The following WRAP53 variants were observed in gnomAD, a reference collection of about 807,000 sequenced individuals.
WRAP53 encodes WD repeat containing antisense to TP53, also known as telomerase Cajal body protein 1.
A neutral mutation model predicts 56.6 loss-of-function variants in WRAP53; 28 were observed. The observed-to-expected ratio is 0.50, with a 90% CI of 0.37 to 0.68. The LOEUF is 0.68. Among genes scored for constraint, WRAP53 ranks in the 30% least tolerant of loss-of-function variants. The pLI is 0.00. For synonymous variants in WRAP53, 283 were observed against 283.4 expected (o/e 1.00, Z 0.01); for missense variants, 671 against 715.5 (o/e 0.94, Z 0.71).
At chr17:7,697,768 G>A (rs907760964) in intron 4 of WRAP53, among the ~76,000 whole-genome samples, 1 of 152,052 alleles carries the variant, frequency 6.6e-6, no homozygotes, top group African/African-American at 2.4e-5. Flanking sequence ...TAGTAATGAT[G>A]GAAATACAAA....
chr17:7,687,539 C>T (rs2074029868), upstream of WRAP53: 2 of 398,526 alleles, frequency 5.0e-6, no homozygotes, highest in Non-Finnish European at 8.8e-6. Context: ...AGGGGAAAAC[C>T]CCAATCCCAT....
At position 7,702,748 on chromosome 17, in the gene WRAP53, T is replaced by G. The variant is rs1473973718; in HGVS notation, c.1170T>G (p.Ala390=). ...NRFFSGARKD[A]ELLCWDLRQS... is the part of the protein sequence containing the mutation. ...GTCCTGTTCCTTGTCTCCAGGATGC[T>G]GAGCTCCTGTGCTGGGATCTCCGGC... The change falls in exon 9 of 11, where the codon GCT becomes GCG. Residue 390 remains alanine (A), a synonymous_variant. Coordinates refer to ENST00000396463, the MANE Select transcript of WRAP53 (RefSeq NM_001143992.2). The surrounding 1 kb of genome is among the most constrained non-coding windows in gnomAD (Gnocchi z 5.0). 4.3e-6 allele frequency: 7 copies of G among 1,613,490 alleles called. No homozygotes were observed. In the Admixed American group the frequency reaches 1.0e-4, roughly 23 times the overall value.
chr17:7,703,111 T>C lies in WRAP53; in HGVS notation c.1387T>C (p.Cys463Arg). The change falls in exon 10 of 11, where the codon TGC (cysteine) becomes CGC (arginine). Residue 463 changes from cysteine to arginine, a missense_variant. By Grantham distance (180) the Cys-to-Arg change is radical. Around this residue, in one of 3 missense-constraint regions of WRAP53, gnomAD observed 158 missense variants for 215.7 expected, o/e 0.73. Coordinates refer to ENST00000396463, the MANE Select transcript of WRAP53 (RefSeq NM_001143992.2). ...PVLSFLPQKD[C>R]TNGVSLHPSL... ...GTTGAGTTTTCTGCCCCAGAAGGAC[T>C]GCACCAATGGCGTGAGGTCCTCAGT... 6.2e-7 allele frequency: 1 copy of C among 1,614,134 alleles called. No individual in the cohort carries two copies. Among genetic ancestry groups the C allele is most frequent in the Non-Finnish European group, 8.5e-7 (1 of 1,180,016 alleles).
intron 4 of WRAP53, among the ~76,000 whole-genome samples, chr17:7,696,063 G>C (rs1035378931): frequency 1.3e-5 from 2 of 152,110 alleles, no homozygotes; most frequent in African/African-American, 4.8e-5. Flanking sequence ...TAGGAAAGAG[G>C]AACAGGGGCG....
upstream of WRAP53, chr17:7,687,264 G>T (rs943690783): frequency 2.5e-5 from 10 of 397,816 alleles, no homozygotes; most frequent in Non-Finnish European, 4.0e-5. Flanking sequence ...CCCCAAACTC[G>T]CTAAGTCCCC....
Position 7,689,042 on chromosome 17 carries a change from A to C in WRAP53, c.394A>C (p.Thr132Pro). The C allele has an allele frequency of 6.2e-7, 1 of 1,614,108 alleles. No homozygotes were observed. Among genetic ancestry groups the C allele is most frequent in the Non-Finnish European group, 8.5e-7 (1 of 1,180,022 alleles). ...GGGGTCTGGAAAAGCCATGGAAGAT[A>C]CCTCTGGGGAACCCGCTGCAGAGGA... is the stretch of plus-strand genomic sequence containing the variant. ...ELGSGKAMED[T>P]SGEPAAEDEG... is the part of the protein sequence containing the mutation. The change falls in exon 2 of 11, where the codon ACC becomes CCC. Residue 132 changes from threonine (T) to proline (P), a missense_variant. By Grantham distance (38) the Thr-to-Pro change is conservative. This residue lies in a region of WRAP53 where 406 missense variants were observed against 418.5 expected (regional missense o/e 0.97). Coordinates refer to ENST00000396463, the MANE Select transcript of WRAP53 (RefSeq NM_001143992.2).
intron 4 of WRAP53, among the ~76,000 whole-genome samples, chr17:7,692,746 CTTTTTT>C (rs1177019881): frequency 2.7e-4 from 26 of 98,054 alleles, no homozygotes; most frequent in Admixed American, 1.6e-3. Context: ...GGTCATTCTC[CTTTTTT>C]TTTTTTTTTT....
At chr17:7,693,548 G>A (rs1032537145) in intron 4 of WRAP53, among the ~76,000 whole-genome samples, 72 of 152,016 alleles carry the variant, frequency 4.7e-4, no homozygotes, top group African/African-American at 1.7e-3. Flanking sequence ...GTGAAACCCT[G>A]TCTTTACTAA....
chr17:7,698,548 A>G (rs370370731), intron 4 of WRAP53, among the ~76,000 whole-genome samples: 2 of 152,012 alleles, frequency 1.3e-5, no homozygotes, highest in South Asian at 2.1e-4. Context: ...CGTGAGCAAC[A>G]CAGACCCCTG....
At chr17:7,690,836 C>T (rs920440267) in intron 4 of WRAP53, among the ~76,000 whole-genome samples, 1 of 152,100 alleles carries the variant, frequency 6.6e-6, no homozygotes, top group Non-Finnish European at 1.5e-5. Flanking sequence ...CTCTTAAACT[C>T]AGGAGGTGGA....
At chr17:7,696,488 C>CG (rs1370194268) in intron 4 of WRAP53, among the ~76,000 whole-genome samples, 1 of 151,900 alleles carries the variant, frequency 6.6e-6, no homozygotes, top group South Asian at 2.1e-4. Flanking sequence ...TTAGTAGACA[C>CG]GGGGTTTCAC....
At chr17:7,686,631 T>A (rs2073985628), upstream of WRAP53, 1 of 152,186 alleles carries the variant, frequency 6.6e-6, no homozygotes, top group African/African-American at 2.4e-5. Context: ...ATCGGGTGAA[T>A]AGTGAGCTGC....
At chr17:7,693,895 G>C (rs1158730458) in intron 4 of WRAP53, among the ~76,000 whole-genome samples, 2 of 152,194 alleles carry the variant, frequency 1.3e-5, no homozygotes, top group East Asian at 3.8e-4. Flanking sequence ...GTCTTCAAGA[G>C]TGTGCATGCC....
rs2074072206 is a variant in WRAP53 at position 7,689,254 on chromosome 17, T to TG, written c.462_463insG (p.Arg155AlafsTer15). ...GGAACTACAGCTTCTCCCAGCTGCCTCGATTTCTCAGTGGTTCCTGGTCAG... is the reference window on the plus strand; with the variant it reads ...GGAACTACAGCTTCTCCCAGCTGCCTGCGATTTCTCAGTGGTTCCTGGTCAG... On this transcript the variant is annotated frameshift_variant, in exon 3 of 11. Coordinates refer to ENST00000396463, the MANE Select transcript of WRAP53 (RefSeq NM_001143992.2). LOFTEE classifies it high-confidence loss of function. The TG allele has an allele frequency of 6.2e-7, 1 of 1,613,888 alleles. No homozygotes were observed. Among genetic ancestry groups the TG allele is most frequent in the African/African-American group, 1.3e-5 (1 of 74,860 alleles).
intron 4 of WRAP53, among the ~76,000 whole-genome samples, chr17:7,699,677 T>TA (rs976051104): frequency 4.0e-5 from 6 of 149,814 alleles, no homozygotes; most frequent in African/African-American, 1.5e-4. Flanking sequence ...TTTAATAAGA[T>TA]ACTTTGTATG....
At chr17:7,691,099 C>T (rs1027872521) in intron 4 of WRAP53, among the ~76,000 whole-genome samples, 5 of 151,886 alleles carry the variant, frequency 3.3e-5, no homozygotes, top group African/African-American at 9.7e-5. Context: ...ATCCCAGCTA[C>T]TTGAGAGGCT....
chr17:7,699,522 T>TTTATATATATATATATATA (rs1429418083), intron 4 of WRAP53, among the ~76,000 whole-genome samples: 3 of 14,110 alleles, frequency 2.1e-4, no homozygotes, highest in Admixed American at 1.3e-3. Context: ...ATATATATAT[T>TTTATATATATATATATATA]TATATATATA....
At position 7,689,255 on chromosome 17, in the gene WRAP53, C is replaced by T. The variant is rs1213207387; in HGVS notation, c.463C>T (p.Arg155Ter). 2.5e-6 allele frequency: 4 copies of T among 1,614,044 alleles called. No individual in the cohort carries two copies. Among genetic ancestry groups the T allele is most frequent in the Non-Finnish European group, 3.4e-6 (4 of 1,180,030 alleles). ...AWNYSFSQLP[R>*]FLSGSWSEFS... ...GAACTACAGCTTCTCCCAGCTGCCT[C>T]GATTTCTCAGTGGTTCCTGGTCAGA... is the stretch of plus-strand genomic sequence containing the variant. Residue 155 changes from arginine (R) to a stop codon, truncating the protein, a stop_gained, in exon 3 of 11, where the codon CGA becomes TGA. Coordinates refer to ENST00000396463, the MANE Select transcript of WRAP53 (RefSeq NM_001143992.2). LOFTEE classifies it high-confidence loss of function.
In WRAP53 at chr17:7,688,953, C is replaced by A; in HGVS notation, c.305C>A (p.Thr102Lys). The change falls in exon 2 of 11, where the codon ACA becomes AAA. Residue 102 changes from threonine to lysine, a missense_variant. Transcript: ENST00000396463. The stretch of plus-strand genomic sequence containing the variant: ...GAGGAGCAAGAACTTTCTGAAAATA[C>A]AAGCCTTCCTGCAGAAGAAGCAAAC... ...RIEEQELSENTSLPAEEANGS... is the reference protein window; with the variant it reads ...RIEEQELSENKSLPAEEANGS... 1 of 1,614,170 alleles carries A rather than the reference C, an allele frequency of 6.2e-7. No homozygotes were observed. Among genetic ancestry groups the A allele is most frequent in the Non-Finnish European group, 8.5e-7 (1 of 1,180,038 alleles).
Sources: allele counts gnomAD v4.1 joint callset (sites outside exome capture counted in the v4.1 genomes callset), GRCh38; gene constraint gnomAD v4.1.1; regional missense constraint gnomAD v4.1.1; non-coding constraint Gnocchi (gnomAD v3.1); transcripts MANE v1.5; gene names NCBI Gene and HGNC (gene_info 2026-07-23, HGNC 2026-07-21).